The following ACAD11 variants were observed in gnomAD, a reference collection of about 807,000 sequenced individuals.
ACAD11 encodes acyl-CoA dehydrogenase family member 11, also known as acyl-Coenzyme A dehydrogenase family, member 11.
ACAD11 carries 83 observed loss-of-function variants against 102.2 expected under a neutral mutation model. The observed-to-expected ratio is 0.81, with a 90% CI of 0.68 to 0.97. The LOEUF is 0.97. Among genes scored for constraint, ACAD11 ranks in the 50% least tolerant of loss-of-function variants. The pLI is 0.00. For missense variants in ACAD11, 901 were observed against 951.7 expected (o/e 0.95, Z 0.70); for synonymous variants, 324 against 319.8 (o/e 1.01, Z -0.14).
chr3:132,617,723 C>A (rs184460730), intron 11 of ACAD11, among the ~76,000 whole-genome samples: 28 of 152,300 alleles, frequency 1.8e-4, no homozygotes, highest in Admixed American at 5.2e-4. Flanking sequence ...TTGGCTCATC[C>A]TTTCAATGAA....
intron 11 of ACAD11, among the ~76,000 whole-genome samples, chr3:132,616,423 C>A (rs556202720): frequency 6.6e-6 from 1 of 152,252 alleles, no homozygotes; most frequent in East Asian, 1.9e-4. Context: ...ATTAGTGCAT[C>A]ATGAAATCAA....
intron 1 of ACAD11, chr3:132,650,402 C>G (rs1273235404): frequency 6.6e-6 from 1 of 152,112 alleles, no homozygotes; most frequent in East Asian, 1.9e-4. Context: ...ACTACAGAAA[C>G]AGAATAAGGC....
At chr3:132,566,480 G>T (rs546116863) in intron 17 of ACAD11, among the ~76,000 whole-genome samples, 1 of 152,154 alleles carries the variant, frequency 6.6e-6, no homozygotes, top group East Asian at 1.9e-4. Flanking sequence ...TCAAGAAGCT[G>T]GGTGAATCCC....
chr3:132,580,364 G>A (rs1371768133), intron 13 of ACAD11, among the ~76,000 whole-genome samples: 1 of 151,996 alleles, frequency 6.6e-6, no homozygotes, highest in African/African-American at 2.4e-5. Context: ...GACATTGCAG[G>A]AATGTAATCA....
chr3:132,577,803 A>C (rs1937543892), intron 15 of ACAD11, among the ~76,000 whole-genome samples: 1 of 152,170 alleles, frequency 6.6e-6, no homozygotes, highest in African/African-American at 2.4e-5. Flanking sequence ...CTGAATAATC[A>C]AATGTAGCCT....
At chr3:132,645,920 G>A (rs1940698754) in intron 1 of ACAD11, 1 of 152,068 alleles carries the variant, frequency 6.6e-6, no homozygotes, top group Admixed American at 6.5e-5. Flanking sequence ...CACAGGCTAT[G>A]CTGTCTTTAT....
At chr3:132,651,241 C>T (rs538995944) in intron 1 of ACAD11, among the ~76,000 whole-genome samples, 2 of 152,206 alleles carry the variant, frequency 1.3e-5, no homozygotes, top group South Asian at 2.1e-4. Context: ...TGAGACTCTG[C>T]CACCCTCTAC....
chr3:132,600,731 T>G, intron 13 of ACAD11: 1 of 1,613,976 alleles, frequency 6.2e-7, no homozygotes, highest in Non-Finnish European at 8.5e-7. Flanking sequence ...GAAAATAATG[T>G]GCAAAATAAC....
chr3:132,624,375 G>T (rs1939721929), intron 9 of ACAD11, among the ~76,000 whole-genome samples: 1 of 151,570 alleles, frequency 6.6e-6, no homozygotes, highest in Non-Finnish European at 1.5e-5. Flanking sequence ...GGGAGGCTGA[G>T]GTGCGCGGAT....
At chr3:132,628,696 T>G (rs1206760624) in intron 7 of ACAD11, among the ~76,000 whole-genome samples, 1 of 152,164 alleles carries the variant, frequency 6.6e-6, no homozygotes, top group African/African-American at 2.4e-5. Flanking sequence ...AACTTGCAAA[T>G]GATCTCAGCA....
intron 13 of ACAD11, among the ~76,000 whole-genome samples, chr3:132,602,713 C>T (rs182981967): frequency 6.6e-6 from 1 of 152,294 alleles, no homozygotes; most frequent in Admixed American, 6.5e-5. Flanking sequence ...TTAAACATCA[C>T]CTAACCAACA....
At chr3:132,637,277 C>T (rs61364254) in intron 5 of ACAD11, among the ~76,000 whole-genome samples, 56,803 of 151,924 alleles carry the variant, frequency 0.37, 13,314 homozygotes, top group East Asian at 0.71. Context: ...ATAATTCTTA[C>T]ATTACTTGCA....
At chr3:132,586,890 C>T (rs1193940738) in intron 13 of ACAD11, among the ~76,000 whole-genome samples, 1 of 152,112 alleles carries the variant, frequency 6.6e-6, no homozygotes, top group East Asian at 1.9e-4. Flanking sequence ...GCCAGGAGTT[C>T]GAGACCAGCC....
At chr3:132,631,672 T>C (rs982772711) in intron 5 of ACAD11, among the ~76,000 whole-genome samples, 193 bp from the exon 6 acceptor site, 1 of 152,248 alleles carries the variant, frequency 6.6e-6, no homozygotes, top group Non-Finnish European at 1.5e-5. Flanking sequence ...GTCCTCTGGT[T>C]CCATCGCTGG....
intron 13 of ACAD11, among the ~76,000 whole-genome samples, chr3:132,593,351 A>G (rs1044594325): frequency 1.3e-4 from 20 of 152,218 alleles, no homozygotes; most frequent in African/African-American, 4.6e-4. Flanking sequence ...AATAAGAATA[A>G]TAAAAGAGAT....
chr3:132,572,259 C>T (rs1486396093), intron 17 of ACAD11, among the ~76,000 whole-genome samples: 3 of 151,074 alleles, frequency 2.0e-5, no homozygotes, highest in Non-Finnish European at 1.5e-5. Flanking sequence ...TAGCACTCCC[C>T]GAGAGCCAAA....
At chr3:132,588,300 G>C (rs1433035597) in intron 13 of ACAD11, among the ~76,000 whole-genome samples, 24 of 152,074 alleles carry the variant, frequency 1.6e-4, no homozygotes, top group Non-Finnish European at 3.5e-4. Context: ...CACCAGACTA[G>C]CGTAGAACTC....
At chr3:132,651,452 A>G (rs1429025313) in intron 1 of ACAD11, among the ~76,000 whole-genome samples, 2 of 152,194 alleles carry the variant, frequency 1.3e-5, no homozygotes, top group Non-Finnish European at 2.9e-5. Context: ...CCTTGACACT[A>G]TCTCAGCCAG....
chr3:132,600,571 C>A (rs1559949655), intron 13 of ACAD11: 1 of 1,613,934 alleles, frequency 6.2e-7, no homozygotes. Flanking sequence ...GACTTGCAGG[C>A]AATTCCATGG....
Sources: allele counts gnomAD v4.1 joint callset (sites outside exome capture counted in the v4.1 genomes callset), GRCh38; gene constraint gnomAD v4.1.1; transcripts MANE v1.5; gene names NCBI Gene and HGNC (gene_info 2026-07-23, HGNC 2026-07-21).